The following DAB1 variants were observed in gnomAD, a reference collection of about 807,000 sequenced individuals.
DAB1 encodes the protein disabled homolog 1.
DAB1 carries 15 observed loss-of-function variants against 64.6 expected under a neutral mutation model. The observed-to-expected ratio is 0.23, with a 90% CI of 0.16 to 0.36. The LOEUF (loss-of-function observed/expected upper bound fraction) is 0.36. Among genes scored for constraint, DAB1 ranks in the 10% least tolerant of loss-of-function variants. DAB1 has a pLI of 1.00. For missense variants in DAB1, 596 were observed against 706.7 expected (o/e 0.84, Z 1.78); for synonymous variants, 235 against 251.9 (o/e 0.93, Z 0.64).
chr1:58,027,578 C>T (rs887552624), intron 5 of DAB1, among the ~76,000 whole-genome samples: 2 of 151,914 alleles, frequency 1.3e-5, no homozygotes, highest in Admixed American at 6.6e-5. Context: ...AAGTTTGGGG[C>T]TCTTTGATAT....
At chr1:58,424,402 T>A (rs1213902647) in intron 3 of DAB1, among the ~76,000 whole-genome samples, 1 of 152,148 alleles carries the variant, frequency 6.6e-6, no homozygotes, top group Non-Finnish European at 1.5e-5. Context: ...GGGCATCCCA[T>A]GACCCAGTCA....
At chr1:58,125,710 T>G (rs146167814) in intron 5 of DAB1, among the ~76,000 whole-genome samples, 22 of 152,294 alleles carry the variant, frequency 1.4e-4, no homozygotes, top group African/African-American at 5.3e-4. Flanking sequence ...CCTTCCAATG[T>G]GTTGGGATTA....
At chr1:57,431,776 A>G (rs2101116104) in intron 7 of DAB1, among the ~76,000 whole-genome samples, 1 of 152,280 alleles carries the variant, frequency 6.6e-6, no homozygotes, top group Admixed American at 6.5e-5. Context: ...TCACTCATAA[A>G]GTGGAGCTTA....
chr1:58,225,490 C>G (rs1317305772), intron 4 of DAB1, among the ~76,000 whole-genome samples: 2 of 151,746 alleles, frequency 1.3e-5, no homozygotes, highest in Admixed American at 1.3e-4. Context: ...ATAAATCATG[C>G]TGCTATAAAG....
chr1:58,049,342 G>T, intron 5 of DAB1: 1 of 629,758 alleles, frequency 1.6e-6, no homozygotes. Context: ...CGGCATCCAC[G>T]GGCAGAAAGG....
At chr1:57,578,089 C>T (rs1645271290) in intron 7 of DAB1, among the ~76,000 whole-genome samples, 1 of 152,204 alleles carries the variant, frequency 6.6e-6, no homozygotes, top group African/African-American at 2.4e-5. Context: ...TCCATTCTGG[C>T]ATTTTCATTT....
At chr1:58,206,911 T>C (rs1282085410) in intron 4 of DAB1, among the ~76,000 whole-genome samples, 1 of 152,218 alleles carries the variant, frequency 6.6e-6, no homozygotes, top group African/African-American at 2.4e-5. Flanking sequence ...ATTGGCCAAC[T>C]ATATGCAACA....
intron 3 of DAB1, among the ~76,000 whole-genome samples, chr1:58,451,910 T>C (rs1353800459): frequency 6.7e-6 from 1 of 148,596 alleles, no homozygotes; most frequent in Non-Finnish European, 1.5e-5. Context: ...GCATCCACTT[T>C]TTTTCTTTCC....
At chr1:57,691,097 G>T (rs965062663) in intron 6 of DAB1, among the ~76,000 whole-genome samples, 1 of 152,042 alleles carries the variant, frequency 6.6e-6, no homozygotes, top group Admixed American at 6.6e-5. Flanking sequence ...CTATTGAGAG[G>T]TGAAGCCAGC....
chr1:57,690,507 G>A (rs190740454), intron 6 of DAB1, among the ~76,000 whole-genome samples: 1 of 152,162 alleles, frequency 6.6e-6, no homozygotes, highest in East Asian at 1.9e-4. Context: ...TTCACCTTTT[G>A]CCATGACTGA....
At chr1:57,856,709 A>G (rs559825630) in intron 1 of DAB1, among the ~76,000 whole-genome samples, 8 of 152,266 alleles carry the variant, frequency 5.3e-5, no homozygotes, top group Admixed American at 2.0e-4. Context: ...GGCTGCCATG[A>G]GCCGAGATCA....
intron 5 of DAB1, among the ~76,000 whole-genome samples, chr1:57,911,560 A>C (rs1022413907): frequency 1.4e-4 from 22 of 152,206 alleles, no homozygotes; most frequent in African/African-American, 5.3e-4. Context: ...CAATCTCAGC[A>C]TCAGCCAAGT....
At chr1:57,290,574 G>A (rs1268256598) in intron 2 of DAB1, among the ~76,000 whole-genome samples, 3 of 152,082 alleles carry the variant, frequency 2.0e-5, no homozygotes, top group Admixed American at 6.6e-5. Context: ...GTTGCTGGAG[G>A]GATGCATAGA....
chr1:58,481,064 G>A (rs754010070), intron 3 of DAB1: 1 of 871,726 alleles, frequency 1.1e-6, no homozygotes, highest in Non-Finnish European at 2.0e-6. Flanking sequence ...TGATATTTAG[G>A]TCTTCTTTCT....
chr1:58,375,899 G>C (rs1377963853), intron 3 of DAB1, among the ~76,000 whole-genome samples: 2 of 143,750 alleles, frequency 1.4e-5, no homozygotes, highest in Non-Finnish European at 3.1e-5. Flanking sequence ...CTTCTTCCTG[G>C]TTTAGTCTTG....
chr1:57,141,306 T>C (rs1368324688), intron 3 of DAB1, among the ~76,000 whole-genome samples: 4 of 152,210 alleles, frequency 2.6e-5, no homozygotes, highest in Admixed American at 6.5e-5. Context: ...ATGGCTCCAG[T>C]TGTGTTCCAC....
At chr1:57,037,205 T>C (rs781547095) in intron 9 of DAB1, among the ~76,000 whole-genome samples, 2 of 152,160 alleles carry the variant, frequency 1.3e-5, no homozygotes, top group Non-Finnish European at 2.9e-5. Context: ...AAACTCTCAG[T>C]AGGAATAATT....
chr1:57,939,792 G>C (rs1361932547), intron 5 of DAB1, among the ~76,000 whole-genome samples: 1 of 152,144 alleles, frequency 6.6e-6, no homozygotes, highest in Non-Finnish European at 1.5e-5. Context: ...ACACACCCCA[G>C]CATGTATTCA....
intron 3 of DAB1, among the ~76,000 whole-genome samples, chr1:58,504,723 C>A (rs1645959894): frequency 6.6e-6 from 1 of 152,144 alleles, no homozygotes; most frequent in South Asian, 2.1e-4. Flanking sequence ...ACTAGAGTTT[C>A]TTATCCCAAA....
Sources: allele counts gnomAD v4.1 joint callset (sites outside exome capture counted in the v4.1 genomes callset), GRCh38; gene constraint gnomAD v4.1.1; transcripts MANE v1.5; gene names NCBI Gene and HGNC (gene_info 2026-07-23, HGNC 2026-07-21).